The following PPP2R5D variants were observed in gnomAD, a reference collection of about 807,000 sequenced individuals.
PPP2R5D encodes the protein protein phosphatase 2 regulatory subunit B'delta.
PPP2R5D carries 12 observed loss-of-function variants against 79.1 expected under a neutral mutation model. The ratio of observed to expected loss-of-function variants is 0.15; its 90% CI spans 0.10 to 0.25. PPP2R5D has a LOEUF of 0.25. PPP2R5D is among the 10% of genes least tolerant of loss of function. PPP2R5D has a pLI of 1.00. For synonymous variants in PPP2R5D, 277 were observed against 286.6 expected (o/e 0.97, Z 0.34); for missense variants, 419 against 760.2 (o/e 0.55, Z 5.28).
chr6:43,008,423 G>A lies in PPP2R5D; in HGVS notation c.974G>A (p.Arg325His), dbSNP rs2150280325. The A allele has an allele frequency of 6.2e-7, 1 of 1,614,024 alleles. No homozygotes were observed. The highest frequency in any genetic ancestry group is 8.5e-7 in the Non-Finnish European group (1 of 1,179,962). ...LKEEHKMFLI[R>H]VLLPLHKVKS... ...GAAGAGCACAAGATGTTCCTCATCC[G>A]TGTCCTACTTCCCCTTCACAAGGTC... The change falls in exon 9 of 16, where the codon CGT (arginine) becomes CAT (histidine). Residue 325 changes from arginine (R) to histidine (H), a missense_variant. Transcript: ENST00000485511. This position sits in a 1 kb window ranked among gnomAD's most constrained non-coding sequence, Gnocchi z 4.2.
At chr6:42,999,018 G>C (rs1771990375) in intron 2 of PPP2R5D, among the ~76,000 whole-genome samples, 1 of 152,220 alleles carries the variant, frequency 6.6e-6, no homozygotes, top group African/African-American at 2.4e-5. Flanking sequence ...CTGGGTGGCA[G>C]AGTGAGACCC....
intron 15 of PPP2R5D, 61 bp from the exon 16 acceptor site, chr6:43,011,088 G>A: frequency 6.2e-7 from 1 of 1,612,488 alleles, no homozygotes; most frequent in South Asian, 1.1e-5. Context: ...TAAGGGGACG[G>A]AACAATAGAA....
intron 1 of PPP2R5D, among the ~76,000 whole-genome samples, chr6:42,986,457 C>A (rs751675956): frequency 4.6e-5 from 7 of 152,174 alleles, no homozygotes; most frequent in Non-Finnish European, 8.8e-5. Context: ...ATTTGCCAGG[C>A]AGCTCTGATT....
intron 2 of PPP2R5D, among the ~76,000 whole-genome samples, chr6:43,002,166 C>G (rs200872088): frequency 7.1e-6 from 1 of 140,778 alleles, no homozygotes; most frequent in East Asian, 2.1e-4. Flanking sequence ...TTTGGTTGTT[C>G]TTTTTTTTTT....
intron 1 of PPP2R5D, among the ~76,000 whole-genome samples, chr6:42,988,661 T>C (rs1305653044): frequency 6.6e-6 from 1 of 152,216 alleles, no homozygotes; most frequent in Non-Finnish European, 1.5e-5. Context: ...TGCATTTCCC[T>C]CTAAGAAACA....
intron 2 of PPP2R5D, among the ~76,000 whole-genome samples, chr6:42,991,514 C>T (rs1163324672): frequency 6.6e-6 from 1 of 152,158 alleles, no homozygotes; most frequent in Non-Finnish European, 1.5e-5. Flanking sequence ...CTGGTAGCAC[C>T]TAACCACAAC....
intron 2 of PPP2R5D, among the ~76,000 whole-genome samples, chr6:42,995,839 G>A (rs551922951): frequency 6.8e-6 from 1 of 147,970 alleles, no homozygotes; most frequent in African/African-American, 2.5e-5. Flanking sequence ...CCTCAGCCCC[G>A]AGTAGCTGGG....
intron 2 of PPP2R5D, among the ~76,000 whole-genome samples, chr6:42,996,432 C>G (rs545723641): frequency 1.4e-3 from 219 of 151,352 alleles, no homozygotes; most frequent in African/African-American, 5.1e-3. Flanking sequence ...CCACTGCACT[C>G]CAGCCTGGGT....
chr6:43,005,964 G>C (rs1762050651), intron 2 of PPP2R5D, among the ~76,000 whole-genome samples: 2 of 152,116 alleles, frequency 1.3e-5, no homozygotes, highest in African/African-American at 4.8e-5. Flanking sequence ...TTCAGTAAAG[G>C]ATCTTAAGTG....
Position 43,011,251 on chromosome 6 carries a change from G to A in PPP2R5D, c.1774G>A (p.Glu592Lys). 1 of 1,614,040 alleles carries A rather than the reference G, an allele frequency of 6.2e-7. No homozygotes were observed. The change falls in exon 16 of 16, where the codon GAA becomes AAA. Residue 592 changes from glutamate (E) to lysine (K), a missense_variant. By Grantham distance (56) the Glu-to-Lys change is moderately conservative. Transcript: ENST00000485511. ...GGCACTGGAGGCGCACAAGCGGGCGGAAGAGTTCCTAACTGCCAGCCAGGA... is the reference window on the plus strand; with the variant it reads ...GGCACTGGAGGCGCACAAGCGGGCGAAAGAGTTCCTAACTGCCAGCCAGGA... ...IKALEAHKRA[E>K]EFLTASQEAL is the part of the protein sequence containing the mutation.
intron 2 of PPP2R5D, among the ~76,000 whole-genome samples, chr6:42,993,407 G>A (rs1207831592): frequency 6.6e-6 from 1 of 152,212 alleles, no homozygotes; most frequent in East Asian, 1.9e-4. Context: ...GGAGGCGGAG[G>A]TTGCAGTGAG....
chr6:42,993,638 C>T (rs1771431441), intron 2 of PPP2R5D, among the ~76,000 whole-genome samples: 1 of 152,222 alleles, frequency 6.6e-6, no homozygotes, highest in Non-Finnish European at 1.5e-5. Context: ...CTTTGGCATT[C>T]CTTGTAGATG....
chr6:43,001,860 C>T (rs929268678), intron 2 of PPP2R5D, among the ~76,000 whole-genome samples: 16 of 146,832 alleles, frequency 1.1e-4, no homozygotes, highest in African/African-American at 3.8e-4. Flanking sequence ...GCACTCCAGC[C>T]GGGTGACAGA....
intron 2 of PPP2R5D, among the ~76,000 whole-genome samples, chr6:43,003,462 T>A (rs1259736739): frequency 3.3e-5 from 5 of 152,164 alleles, no homozygotes; most frequent in South Asian, 2.1e-4. Context: ...GAGATAATTT[T>A]AAAAATTAGC....
In PPP2R5D at chr6:42,997,655, G is replaced by A. The variant is rs537541225; in HGVS notation, c.105+7967G>A. 5.1e-4 allele frequency among the ~76,000 whole-genome samples: 78 copies of A among 151,898 alleles called. 1 individual carries two copies. Among genetic ancestry groups the A allele is most frequent in the African/African-American group, 1.3e-3 (53 of 41,402 alleles). ...CTCCCAAGTAGCTGAGATTACAGGCGCCCGCCACCATGCCCTGCTAATTTT... is the reference window on the plus strand; with the variant it reads ...CTCCCAAGTAGCTGAGATTACAGGCACCCGCCACCATGCCCTGCTAATTTT... On this transcript the variant is annotated intron_variant, in intron 2 of 15. Transcript: ENST00000485511.
At chr6:42,992,379 G>A (rs1274143027) in intron 2 of PPP2R5D, among the ~76,000 whole-genome samples, 5 of 152,096 alleles carry the variant, frequency 3.3e-5, no homozygotes, top group East Asian at 1.9e-4. Context: ...TTTCTTGTCC[G>A]GAATTTTGGG....
At chr6:43,011,041 G>C in intron 15 of PPP2R5D, 44 bp downstream of exon 15, 1 of 1,608,156 alleles carries the variant, frequency 6.2e-7, no homozygotes, top group South Asian at 1.1e-5. Context: ...TAATAGCTCT[G>C]GAAGGGAGAG....
Position 42,984,694 on chromosome 6 carries a change from A to C in PPP2R5D, c.17A>C (p.Lys6Thr). Residue 6 changes from lysine (K) to threonine (T), a missense_variant, in exon 1 of 16, where the codon AAA becomes ACA. Coordinates refer to ENST00000485511, the MANE Select transcript of PPP2R5D (RefSeq NM_006245.4). Reference sequence around the variant, plus strand: ...CGGGCCGAGATGCCCTATAAACTGAAAAAGGAGAAGGTGAGCGTGGCCCTT... The same window carrying C: ...CGGGCCGAGATGCCCTATAAACTGACAAAGGAGAAGGTGAGCGTGGCCCTT... MPYKL[K>T]KEKEPPKVAK... The C allele has an allele frequency of 6.2e-7, 1 of 1,612,150 alleles. No individual in the cohort carries two copies. Among genetic ancestry groups the C allele is most frequent in the Admixed American group, 1.7e-5 (1 of 59,894 alleles).
At chr6:42,989,465 C>A in intron 1 of PPP2R5D, 146 bp from the exon 2 acceptor site, 1 of 671,798 alleles carries the variant, frequency 1.5e-6, no homozygotes, top group Non-Finnish European at 2.5e-6. Flanking sequence ...TAGATCCCTC[C>A]ACCCACCCCA....
Sources: allele counts gnomAD v4.1 joint callset (sites outside exome capture counted in the v4.1 genomes callset), GRCh38; gene constraint gnomAD v4.1.1; non-coding constraint Gnocchi (gnomAD v3.1); transcripts MANE v1.5; gene names NCBI Gene and HGNC (gene_info 2026-07-23, HGNC 2026-07-21).